Variants in TENM3 observed in about 807,000 individuals in gnomAD.
TENM3 encodes the protein teneurin-3.
A neutral mutation model predicts 255.1 loss-of-function variants in TENM3; 63 were observed. The ratio of observed to expected loss-of-function variants is 0.25; its 90% CI spans 0.20 to 0.30. TENM3 has a LOEUF of 0.30. TENM3 is among the 10% of genes least tolerant of loss of function. The probability of loss-of-function intolerance (pLI) is 1.00; values close to 1 mark genes in which losing one functional copy is unlikely to be tolerated. For synonymous variants in TENM3, 1,306 were observed against 1,322.3 expected (o/e 0.99, Z 0.27); for missense variants, 2,929 against 3,461.1 (o/e 0.85, Z 3.86).
intron 1 of TENM3, among the ~76,000 whole-genome samples, chr4:182,159,727 G>A (rs535889796): frequency 2.0e-5 from 3 of 152,266 alleles, no homozygotes; most frequent in South Asian, 4.1e-4. Flanking sequence ...AGTCCGGCCC[G>A]TGGATGGCCG....
the TENM3 span, among the ~76,000 whole-genome samples, chr4:181,512,875 A>G: frequency 6.6e-6 from 1 of 152,218 alleles, no homozygotes; most frequent in Non-Finnish European, 1.5e-5. Flanking sequence ...TATTAGACGC[A>G]TATTTATCAT....
chr4:182,531,367 ACATAACC>A (rs1739764800), intron 3 of TENM3, among the ~76,000 whole-genome samples: 1 of 152,208 alleles, frequency 6.6e-6, no homozygotes, highest in Non-Finnish European at 1.5e-5. Context: ...AATCCCAAAG[ACATAACC>A]CTTGCTCTGG....
At chr4:182,117,596 C>T in the TENM3 span, among the ~76,000 whole-genome samples, 1 of 152,152 alleles carries the variant, frequency 6.6e-6, no homozygotes, top group African/African-American at 2.4e-5. Flanking sequence ...TGTTGAAGAT[C>T]AGCAAGCTAT....
Position 182,209,950 on chromosome 4 carries a change from GC to G in TENM3, c.-76+65197del, listed in dbSNP as rs1754888753. ...TCTCAGTCCACTCCTCTACACCCAG[GC>G]TGTGTCATAGAGTGTGAGGTGTCTC... On this transcript the variant is annotated intron_variant, in intron 1 of 2. Coordinates refer to the TENM3 transcript ENST00000512480. Among the ~76,000 whole-genome samples, 8 of 152,186 alleles carry G rather than the reference GC, an allele frequency of 5.3e-5. No individual in the cohort carries two copies. The South Asian group carries it at 1.7e-3, about 32-fold the overall frequency.
chr4:182,719,293 G>A (rs1302668417), intron 13 of TENM3, among the ~76,000 whole-genome samples: 1 of 106,994 alleles, frequency 9.3e-6, no homozygotes, highest in South Asian at 3.2e-4. Flanking sequence ...ACGGAGTCTC[G>A]CTCTGTCTCC....
At chr4:181,456,125 ATATG>A in the TENM3 span, among the ~76,000 whole-genome samples, 58 of 62,292 alleles carry the variant, frequency 9.3e-4, no homozygotes, top group East Asian at 0.011. Context: ...ATATATATAT[ATATG>A]TGTGTGTGTG....
intron 1 of TENM3, among the ~76,000 whole-genome samples, chr4:182,243,946 CTTTTTTTTTTTTTT>C (rs967487689): frequency 1.1e-4 from 8 of 72,882 alleles, no homozygotes; most frequent in African/African-American, 2.8e-4. Context: ...TTTGTGTTTT[CTTTTTTTTTTTTTT>C]TTTTTTTTTT....
At chr4:181,690,391 C>A in the TENM3 span, among the ~76,000 whole-genome samples, 1 of 152,154 alleles carries the variant, frequency 6.6e-6, no homozygotes, top group Non-Finnish European at 1.5e-5. Flanking sequence ...CACCAATAAC[C>A]ATTGTCACTG....
At chr4:181,691,401 T>G in the TENM3 span, among the ~76,000 whole-genome samples, 1 of 152,096 alleles carries the variant, frequency 6.6e-6, no homozygotes, top group Non-Finnish European at 1.5e-5. Context: ...CATATCAGCA[T>G]GATAGATATT....
intron 3 of TENM3, among the ~76,000 whole-genome samples, chr4:182,535,109 C>T (rs1178498103): frequency 5.3e-5 from 8 of 152,222 alleles, no homozygotes; most frequent in South Asian, 2.1e-4. Context: ...GGAAAGGTAG[C>T]GTGGATTATA....
intron 3 of TENM3, among the ~76,000 whole-genome samples, chr4:182,432,616 T>C (rs1310036806): frequency 6.6e-6 from 1 of 152,118 alleles, no homozygotes; most frequent in Non-Finnish European, 1.5e-5. Context: ...AGAGGAGACA[T>C]CTAAGTTAAG....
chr4:182,687,275 C>T (rs1756655518), intron 11 of TENM3, among the ~76,000 whole-genome samples: 1 of 152,144 alleles, frequency 6.6e-6, no homozygotes, highest in South Asian at 2.1e-4. Context: ...TAACTTTAAT[C>T]TTATATGTAA....
chr4:182,766,553 GT>G (rs1763735511), intron 22 of TENM3, among the ~76,000 whole-genome samples: 1 of 152,136 alleles, frequency 6.6e-6, no homozygotes, highest in African/African-American at 2.4e-5. Flanking sequence ...TCTCCCTGAT[GT>G]GGTAATGACT....
intron 22 of TENM3, among the ~76,000 whole-genome samples, chr4:182,768,859 G>A (rs964037532): frequency 4.6e-5 from 7 of 152,142 alleles, no homozygotes; most frequent in Non-Finnish European, 1.0e-4. Context: ...CCTTTCCAGC[G>A]AGAGTCCTTT....
chr4:182,153,443 G>A (rs1750481684), intron 1 of TENM3, among the ~76,000 whole-genome samples: 1 of 152,040 alleles, frequency 6.6e-6, no homozygotes, highest in South Asian at 2.1e-4. Context: ...TCTGGTTTAA[G>A]GTAATTTCAA....
At chr4:181,894,891 G>A in the TENM3 span, among the ~76,000 whole-genome samples, 1 of 152,256 alleles carries the variant, frequency 6.6e-6, no homozygotes, top group South Asian at 2.1e-4. Flanking sequence ...CACACAGTGT[G>A]CAAACGGGGC....
chr4:182,597,246 A>G (rs917409998), intron 3 of TENM3, among the ~76,000 whole-genome samples: 27 of 152,180 alleles, frequency 1.8e-4, no homozygotes, highest in African/African-American at 6.5e-4. Flanking sequence ...CGACAAAATT[A>G]TATTTTAAAA....
intron 1 of TENM3, among the ~76,000 whole-genome samples, chr4:182,218,012 A>G (rs1755610441): frequency 6.6e-6 from 1 of 152,232 alleles, no homozygotes; most frequent in South Asian, 2.1e-4. Context: ...AAAACCGAGT[A>G]ACAGTTAACA....
the TENM3 span, among the ~76,000 whole-genome samples, chr4:181,748,252 A>C: frequency 2.6e-5 from 4 of 152,078 alleles, no homozygotes; most frequent in Non-Finnish European, 4.4e-5. Context: ...TGCACTACAT[A>C]ATCTTCTTAT....
Sources: allele counts gnomAD v4.1 joint callset (sites outside exome capture counted in the v4.1 genomes callset), GRCh38; gene constraint gnomAD v4.1.1; transcripts MANE v1.5; gene names NCBI Gene and HGNC (gene_info 2026-07-23, HGNC 2026-07-21).